CBFA2T3: variants seen among roughly 807,000 people sequenced by gnomAD.
CBFA2T3 encodes the protein CBFA2/RUNX1 partner transcriptional co-repressor 3.
A neutral mutation model predicts 58.6 loss-of-function variants in CBFA2T3; 31 were observed. The observed-to-expected ratio is 0.53, with a 90% CI of 0.40 to 0.71. The LOEUF (loss-of-function observed/expected upper bound fraction) is 0.71. CBFA2T3 is among the 30% of genes least tolerant of loss of function. The pLI is 0.00. For missense variants in CBFA2T3, 1,076 were observed against 963.1 expected (o/e 1.12, Z -1.55); for synonymous variants, 531 against 421.9 (o/e 1.26, Z -3.17).
In CBFA2T3 at chr16:88,876,612, A is replaced by G. The variant is rs976890934; in HGVS notation, c.*364T>C. 3.5e-5 allele frequency: 10 copies of G among 286,352 alleles called. No homozygotes were observed. The Admixed American group carries it at 3.7e-4, about 11-fold the overall frequency. The allele number at this position is 286,352 out of a possible 1,614,324, so 17.7% of individuals were successfully genotyped here. ...TAGAGAGAGAGAGGATAGAGAAGAC[A>G]GAGGGGGAGAGACAGACAGAGAGGA... On this transcript the variant is annotated 3_prime_UTR_variant, in exon 12 of 12. Coordinates refer to ENST00000268679, the MANE Select transcript of CBFA2T3 (RefSeq NM_005187.6).
chr16:88,904,525 T>C (rs1030012617), intron 1 of CBFA2T3, among the ~76,000 whole-genome samples: 1 of 152,212 alleles, frequency 6.6e-6, no homozygotes, highest in Non-Finnish European at 1.5e-5. Context: ...TGCCTCCTTT[T>C]AGGCCTCAAG....
At chr16:88,931,586 T>C (rs12445328) in intron 1 of CBFA2T3, among the ~76,000 whole-genome samples, 20,697 of 101,078 alleles carry the variant, frequency 0.2, 4,017 homozygotes, top group Middle Eastern at 0.34. Flanking sequence ...GCCCCGTGGA[T>C]GAGCCAGAGG....
chr16:88,931,546 G>A (rs960969149), intron 1 of CBFA2T3, among the ~76,000 whole-genome samples: 16 of 151,688 alleles, frequency 1.1e-4, no homozygotes, highest in African/African-American at 2.2e-4. Flanking sequence ...CCCCGTGGAC[G>A]AGCCAGAGGT....
chr16:88,949,861 T>G (rs1972004792), intron 1 of CBFA2T3, among the ~76,000 whole-genome samples: 1 of 151,464 alleles, frequency 6.6e-6, no homozygotes, highest in Non-Finnish European at 1.5e-5. Flanking sequence ...AACACAAAAA[T>G]TAGCTGGGCG....
At chr16:88,877,907 G>A (rs1486335539) in intron 11 of CBFA2T3, among the ~76,000 whole-genome samples, 2 of 152,206 alleles carry the variant, frequency 1.3e-5, no homozygotes, top group African/African-American at 4.8e-5. Flanking sequence ...GGGCTGTGGG[G>A]TGGGAAGCCC....
At chr16:88,889,682 A>ACTC (rs1314269728) in intron 5 of CBFA2T3, among the ~76,000 whole-genome samples, 2 of 150,236 alleles carry the variant, frequency 1.3e-5, no homozygotes, top group Non-Finnish European at 3.0e-5. Flanking sequence ...TTCCTGAAGC[A>ACTC]CTCCTCCTCC....
chr16:88,912,628 G>C (rs912158891), intron 1 of CBFA2T3, among the ~76,000 whole-genome samples: 1 of 152,204 alleles, frequency 6.6e-6, no homozygotes, highest in African/African-American at 2.4e-5. Context: ...GTTGGTCCTC[G>C]TGTTTACGCC....
Position 88,907,766 on chromosome 16 carries a change from G to A in CBFA2T3, c.152-6110C>T, listed in dbSNP as rs564124047. Among the ~76,000 whole-genome samples the A allele has an allele frequency of 2.0e-3, 308 of 152,300 alleles. 1 individual carries two copies. The highest frequency in any genetic ancestry group is 6.8e-3 in the African/African-American group (283 of 41,570). On this transcript the variant is annotated intron_variant, in intron 1 of 11. Transcript: ENST00000268679. Reference sequence around the variant, plus strand: ...CTCACTCCCCCTGCCCATGACTGACGGTGGCATCTTCTAATTGTCCCCTCA... The same window carrying A: ...CTCACTCCCCCTGCCCATGACTGACAGTGGCATCTTCTAATTGTCCCCTCA...
At chr16:88,916,009 GGT>G (rs1370145501) in intron 1 of CBFA2T3, among the ~76,000 whole-genome samples, 1 of 151,972 alleles carries the variant, frequency 6.6e-6, no homozygotes, top group Admixed American at 6.5e-5. Flanking sequence ...TGTGTGCATG[GGT>G]GTGTGTCCGT....
intron 1 of CBFA2T3, among the ~76,000 whole-genome samples, chr16:88,903,807 C>T (rs1970197317): frequency 2.0e-5 from 3 of 152,056 alleles, no homozygotes; most frequent in Non-Finnish European, 1.5e-5. Flanking sequence ...CTTCAAACGC[C>T]AGGCTGGCTC....
intron 3 of CBFA2T3, among the ~76,000 whole-genome samples, chr16:88,894,907 C>T (rs564425194): frequency 1.3e-5 from 2 of 151,264 alleles, no homozygotes; most frequent in South Asian, 4.1e-4. Flanking sequence ...GCGGCTCCCC[C>T]TGGGCAGCCG....
At chr16:88,923,019 A>C (rs1970970958) in intron 1 of CBFA2T3, among the ~76,000 whole-genome samples, 1 of 152,154 alleles carries the variant, frequency 6.6e-6, no homozygotes. Flanking sequence ...ACGGCTCTTT[A>C]CAGGCCCCCA....
At chr16:88,910,454 C>T (rs918782286) in intron 1 of CBFA2T3, among the ~76,000 whole-genome samples, 1 of 152,218 alleles carries the variant, frequency 6.6e-6, no homozygotes, top group Non-Finnish European at 1.5e-5. Context: ...AGGCATTCAG[C>T]AAACACTTGC....
chr16:88,918,856 C>T (rs1417942324), intron 1 of CBFA2T3, among the ~76,000 whole-genome samples: 1 of 152,210 alleles, frequency 6.6e-6, no homozygotes, highest in African/African-American at 2.4e-5. Flanking sequence ...GCAGGCTCGC[C>T]GGGTTATCAG....
chr16:88,892,584 T>C lies in CBFA2T3; in HGVS notation c.380-99A>G. 2.2e-6 allele frequency: 3 copies of C among 1,358,534 alleles called. No individual in the cohort carries two copies. In the East Asian group the frequency reaches 6.9e-5, roughly 31 times the overall value. 84.2% of individuals were successfully genotyped at this position (1,358,534 alleles called of 1,614,324 possible). A position where few individuals can be genotyped will look rare whatever the true frequency, so the allele number is the denominator to read the frequency against. ...GGAAGCAGCGACTAAGGTGACAATG[T>C]CAAAAGTGACGGCAACAATGATGAG... On this transcript the variant is annotated intron_variant, in intron 3 of 11. Coordinates refer to ENST00000268679, the MANE Select transcript of CBFA2T3 (RefSeq NM_005187.6).
chr16:88,900,058 C>G lies in CBFA2T3; in HGVS notation c.304+1446G>C, dbSNP rs183593119. Among the ~76,000 whole-genome samples, 13 of 152,242 alleles carry G rather than the reference C, an allele frequency of 8.5e-5. 1 individual carries two copies. Among genetic ancestry groups the G allele is most frequent in the Admixed American group, 3.3e-4 (5 of 15,290 alleles). On this transcript the variant is annotated intron_variant, in intron 2 of 11. Coordinates refer to ENST00000268679, the MANE Select transcript of CBFA2T3 (RefSeq NM_005187.6). ...GCCCAGCCAGCCTCTCACTAGAAACCGTGGCCAGCTCCGCAGAGCCAGGAC... is the reference window on the plus strand; with the variant it reads ...GCCCAGCCAGCCTCTCACTAGAAACGGTGGCCAGCTCCGCAGAGCCAGGAC...
Position 88,891,528 on chromosome 16 carries a change from A to G in CBFA2T3, c.711+354T>C, listed in dbSNP as rs541776082. 3.9e-5 allele frequency among the ~76,000 whole-genome samples: 6 copies of G among 152,324 alleles called. No individual in the cohort carries two copies. In the East Asian group the frequency reaches 7.7e-4, roughly 20 times the overall value. On this transcript the variant is annotated intron_variant, in intron 5 of 11. Transcript: ENST00000268679. Reference sequence around the variant, plus strand: ...CTTGCCCCCACACTGGCACGTCGTCAGTGCTCAAAAATCACCCGTGGAGTG... The same window carrying G: ...CTTGCCCCCACACTGGCACGTCGTCGGTGCTCAAAAATCACCCGTGGAGTG...
chr16:88,900,817 G>A (rs1401993115), intron 2 of CBFA2T3, among the ~76,000 whole-genome samples: 3 of 152,244 alleles, frequency 2.0e-5, no homozygotes, highest in Non-Finnish European at 4.4e-5. Flanking sequence ...GATGAGAACT[G>A]GCTGTTCCCT....
intron 3 of CBFA2T3, among the ~76,000 whole-genome samples, chr16:88,894,822 G>A (rs571079896): frequency 1.0e-3 from 155 of 152,384 alleles, no homozygotes; most frequent in Non-Finnish European, 2.0e-3. Context: ...GAGACCTGGC[G>A]GGGCCTGTGT....
Sources: gnomAD v4.1 joint callset for allele counts (sites outside exome capture counted in the v4.1 genomes callset) on GRCh38, gnomAD v4.1.1 for gene constraint, MANE v1.5 for transcripts, NCBI Gene and HGNC (gene_info 2026-07-23, HGNC 2026-07-21) for gene names.